Variants in ITCH observed in about 807,000 individuals in gnomAD.
ITCH encodes the protein itchy E3 ubiquitin protein ligase.
A neutral mutation model predicts 126.8 loss-of-function variants in ITCH; 28 were observed. The ratio of observed to expected loss-of-function variants is 0.22; its 90% CI spans 0.16 to 0.30. ITCH has a LOEUF of 0.30. Ranked by LOEUF, ITCH falls within the 10% of genes least tolerant of loss-of-function variation. The pLI, the probability that ITCH is intolerant of heterozygous loss-of-function variation, is 1.00. For synonymous variants in ITCH, 342 were observed against 340.0 expected (o/e 1.01, Z -0.06); for missense variants, 631 against 1,032.4 (o/e 0.61, Z 5.33).
At chr20:34,461,859 A>G (rs1364608566) in intron 13 of ITCH, among the ~76,000 whole-genome samples, 1 of 152,210 alleles carries the variant, frequency 6.6e-6, no homozygotes, top group African/African-American at 2.4e-5. Flanking sequence ...GTCATTAGCT[A>G]ATGGGGAACA....
intron 23 of ITCH, among the ~76,000 whole-genome samples, chr20:34,500,672 G>A (rs1600506903): frequency 6.6e-6 from 1 of 151,992 alleles, no homozygotes; most frequent in South Asian, 2.1e-4. Flanking sequence ...TATATTCAAG[G>A]TTATTACTGA....
Position 34,489,813 on chromosome 20 carries a change from T to A in ITCH, c.2215-9T>A, listed in dbSNP as rs1420085594. On this transcript the variant is annotated splice_polypyrimidine_tract_variant and intron_variant, in intron 21 of 24. Transcript: ENST00000374864. ...CTTAGGAAACAATTTGTCTTTTTCATCCCTAAAGGTCCTTTTATGTGGAAT... is the reference window on the plus strand; with the variant it reads ...CTTAGGAAACAATTTGTCTTTTTCAACCCTAAAGGTCCTTTTATGTGGAAT... 4 of 1,592,294 alleles carry A rather than the reference T, an allele frequency of 2.5e-6. No homozygotes were observed. The highest frequency in any genetic ancestry group is 3.4e-6 in the Non-Finnish European group (4 of 1,160,356).
chr20:34,471,941 C>G (rs1412968093), intron 16 of ITCH, among the ~76,000 whole-genome samples: 2 of 151,976 alleles, frequency 1.3e-5, no homozygotes, highest in African/African-American at 2.4e-5. Context: ...TTTAACACTT[C>G]AGTATTACTT....
chr20:34,375,839 C>T (rs1223655447), intron 2 of ITCH, among the ~76,000 whole-genome samples: 4 of 147,898 alleles, frequency 2.7e-5, no homozygotes, highest in African/African-American at 7.5e-5. Flanking sequence ...ATAGCGAGAT[C>T]CCGTCATTAT....
chr20:34,470,249 C>CT, intron 15 of ITCH, 129 bp downstream of exon 15: 1 of 802,998 alleles, frequency 1.2e-6, no homozygotes, highest in East Asian at 2.4e-5. Context: ...TCTCTTTCAT[C>CT]TATTTTTAGA....
At chr20:34,492,442 G>A in intron 22 of ITCH, 59 bp from the exon 23 acceptor site, 5 of 1,059,418 alleles carry the variant, frequency 4.7e-6, no homozygotes, top group Non-Finnish European at 7.3e-6. Flanking sequence ...TTTCTTTCTT[G>A]TTTAGTGTGC....
At chr20:34,464,137 G>A (rs1390667255) in intron 14 of ITCH, among the ~76,000 whole-genome samples, 6 of 149,680 alleles carry the variant, frequency 4.0e-5, no homozygotes, top group Non-Finnish European at 7.4e-5. Flanking sequence ...ACCATGCCCA[G>A]CTAATTTTTT....
chr20:34,467,702 T>G (rs1266300263), intron 14 of ITCH, among the ~76,000 whole-genome samples: 68 of 92,822 alleles, frequency 7.3e-4, no homozygotes, highest in Admixed American at 1.1e-3. Context: ...TTTTTTTTTT[T>G]GAGACGGAGT....
chr20:34,369,738 T>A (rs2037548304), intron 2 of ITCH, among the ~76,000 whole-genome samples: 1 of 152,208 alleles, frequency 6.6e-6, no homozygotes, highest in African/African-American at 2.4e-5. Context: ...ATTTGTGTTG[T>A]TTTATACACG....
intron 2 of ITCH, among the ~76,000 whole-genome samples, chr20:34,389,500 A>G (rs181536590): frequency 1.3e-5 from 2 of 152,262 alleles, no homozygotes; most frequent in Admixed American, 1.3e-4. Flanking sequence ...TGGGAAAGGA[A>G]CTGCAGACTA....
intron 23 of ITCH, among the ~76,000 whole-genome samples, chr20:34,500,284 C>A (rs894650011): frequency 6.6e-6 from 1 of 152,104 alleles, no homozygotes. Flanking sequence ...ATATTGAAGT[C>A]CCCAACTAGT....
rs182983839 is a variant in ITCH at position 34,469,147 on chromosome 20, G to T, written c.1425-901G>T. Among the ~76,000 whole-genome samples the T allele has an allele frequency of 4.1e-4, 62 of 152,078 alleles. 1 individual carries two copies. In the East Asian group the frequency reaches 5.8e-3, roughly 14 times the overall value. ...TCTCATTCTTCAAAGTGACCTCATGGTCTGTGACAGCTGCTGAAACTTAAG... is the reference window on the plus strand; with the variant it reads ...TCTCATTCTTCAAAGTGACCTCATGTTCTGTGACAGCTGCTGAAACTTAAG... On this transcript the variant is annotated intron_variant, in intron 14 of 24. Transcript: ENST00000374864.
At chr20:34,372,323 A>AG (rs1028254846) in intron 2 of ITCH, among the ~76,000 whole-genome samples, 20 of 149,504 alleles carry the variant, frequency 1.3e-4, no homozygotes, top group African/African-American at 4.9e-4. Context: ...AAAAAAAAAA[A>AG]AAAAAGGCTT....
At chr20:34,451,009 C>T (rs1600371513) in intron 12 of ITCH, 1 of 152,196 alleles carries the variant, frequency 6.6e-6, no homozygotes, top group East Asian at 1.9e-4. Context: ...AGTTGTGGGC[C>T]CGATGCAGTG....
intron 23 of ITCH, among the ~76,000 whole-genome samples, chr20:34,492,884 A>C (rs565272222): frequency 6.6e-6 from 1 of 152,362 alleles, no homozygotes; most frequent in East Asian, 1.9e-4. Context: ...CTTAAGAGTC[A>C]ATCACTATTG....
At chr20:34,366,174 T>A (rs2037414494) in intron 1 of ITCH, among the ~76,000 whole-genome samples, 1 of 151,954 alleles carries the variant, frequency 6.6e-6, no homozygotes, top group African/African-American at 2.4e-5. Context: ...TCAGGGAGTG[T>A]GGAGTGGAAT....
rs150876684 is a variant in ITCH at position 34,375,040 on chromosome 20, G to A, written c.-22+5570G>A. 4.9e-3 allele frequency among the ~76,000 whole-genome samples: 707 copies of A among 142,830 alleles called. 15 individuals are homozygous for A. The highest frequency in any genetic ancestry group is 0.017 in the African/African-American group (640 of 38,420). The allele number at this position is 142,830 out of a possible 152,430, so 93.7% of individuals were successfully genotyped here. On this transcript the variant is annotated intron_variant, in intron 2 of 24. Coordinates refer to ENST00000374864, the MANE Select transcript of ITCH (RefSeq NM_031483.7). ...ACAGGTGTCAGCCACCACGCCTGGCGTGATTTTTTTTTTTTTTTGAGACAG... is the reference window on the plus strand; with the variant it reads ...ACAGGTGTCAGCCACCACGCCTGGCATGATTTTTTTTTTTTTTTGAGACAG...
rs1261063793 is a variant in ITCH at position 34,445,394 on chromosome 20, A to G, written c.1073A>G (p.Gln358Arg). ...CTGGAATCCGTCCGGAACTATGAAC[A>G]ATGGCAGCTACAGCGTAGTCAGCTT... is the stretch of plus-strand genomic sequence containing the variant. The part of the protein sequence containing the change: ...PTLESVRNYE[Q>R]WQLQRSQLQG... The change falls in exon 11 of 25, where the codon CAA becomes CGA. Residue 358 changes from glutamine to arginine, a missense_variant. Around this residue, in one of 4 missense-constraint regions of ITCH, gnomAD observed 390 missense variants for 731.6 expected, o/e 0.53. Transcript: ENST00000374864. 8.1e-6 allele frequency: 13 copies of G among 1,613,994 alleles called. No individual in the cohort carries two copies. Among genetic ancestry groups the G allele is most frequent in the Non-Finnish European group, 1.1e-5 (13 of 1,180,032 alleles).
chr20:34,401,575 G>A lies in ITCH; in HGVS notation c.71-7076G>A, dbSNP rs866348252. The A allele has an allele frequency of 1.8e-5, 15 of 853,134 alleles. No homozygotes were observed. In the South Asian group the frequency reaches 8.1e-4, roughly 46 times the overall value. The allele number at this position is 853,134 out of a possible 1,614,324, so 52.8% of individuals were successfully genotyped here. A position where few individuals can be genotyped will look rare whatever the true frequency, so the allele number is the denominator to read the frequency against. On this transcript the variant is annotated intron_variant, in intron 3 of 24. Transcript: ENST00000374864. Reference sequence around the variant, plus strand: ...GCAACTAACTTTCTAAAAGGAGTATGTTATTAAATGAGGCATTTACTATAC... The same window carrying A: ...GCAACTAACTTTCTAAAAGGAGTATATTATTAAATGAGGCATTTACTATAC...
Sources: allele counts gnomAD v4.1 joint callset (sites outside exome capture counted in the v4.1 genomes callset), GRCh38; gene constraint gnomAD v4.1.1; regional missense constraint gnomAD v4.1.1; transcripts MANE v1.5; gene names NCBI Gene and HGNC (gene_info 2026-07-23, HGNC 2026-07-21).